Variants in TOP1 observed in about 807,000 individuals in gnomAD.
TOP1 encodes the protein DNA topoisomerase I.
Under a neutral mutation model 111.1 loss-of-function variants are expected in TOP1, and 10 were observed. That is an observed-to-expected ratio of 0.09 (90% CI 0.06 to 0.15). The LOEUF (loss-of-function observed/expected upper bound fraction) is 0.15, where lower values mean the gene tolerates loss of function less well. TOP1 is among the 10% of genes least tolerant of loss of function. TOP1 has a pLI of 1.00. For missense variants in TOP1, 474 were observed against 926.7 expected (o/e 0.51, Z 6.34); for synonymous variants, 271 against 302.9 (o/e 0.89, Z 1.10).
rs1344217236 is a variant in TOP1, at chr20:41,112,847, G to A, written c.1374G>A (p.Arg458=). 6 of 1,614,206 alleles carry A rather than the reference G, an allele frequency of 3.7e-6. No individual in the cohort carries two copies. Among genetic ancestry groups the A allele is most frequent in the Non-Finnish European group, 5.1e-6 (6 of 1,180,038 alleles). The change falls in exon 14 of 21, where the codon CGG becomes CGA. Residue 458 remains arginine, a synonymous_variant. Transcript: ENST00000361337. This position sits in a 1 kb window ranked among gnomAD's most constrained non-coding sequence, Gnocchi z 5.8. ...RRLKKCVDKI[R]NQYREDWKSK... ...TGAAAAAATGTGTGGACAAGATCCG[G>A]AACCAGTATCGAGAAGACTGGAAGT...
intron 8 of TOP1, among the ~76,000 whole-genome samples, chr20:41,091,118 T>C (rs2033915090): frequency 6.6e-6 from 1 of 152,270 alleles, no homozygotes; most frequent in Admixed American, 6.5e-5. Context: ...TGTTACAATA[T>C]GGTTTGATAC....
At position 41,067,179 on chromosome 20, in the gene TOP1, G is replaced by A. The variant is rs1189666667; in HGVS notation, c.155+5689G>A. Among the ~76,000 whole-genome samples, 1 of 151,982 alleles carries A rather than the reference G, an allele frequency of 6.6e-6. No individual in the cohort carries two copies. Among genetic ancestry groups the A allele is most frequent in the Non-Finnish European group, 1.5e-5 (1 of 68,014 alleles). ...TTGTCACCCAGGCTGGAGTGCAGTG[G>A]TGTGATCTCGGCTCACTGCAACCTC... On this transcript the variant is annotated intron_variant, in intron 3 of 20. Coordinates refer to ENST00000361337, the MANE Select transcript of TOP1 (RefSeq NM_003286.4). This position sits in a 1 kb window ranked among gnomAD's most constrained non-coding sequence, Gnocchi z 4.0.
In TOP1 at chr20:41,079,549, A is replaced by G. The variant is rs1020675150; in HGVS notation, c.336-536A>G. ...TTTATTCTGGTTTAACACGTGCCCT[A>G]CTTTTGTTGTAATGTTGTCAGCTTG... On this transcript the variant is annotated intron_variant, in intron 5 of 20. Coordinates refer to ENST00000361337, the MANE Select transcript of TOP1 (RefSeq NM_003286.4). The surrounding 1 kb of genome is among the most constrained non-coding windows in gnomAD (Gnocchi z 4.0). 3.3e-5 allele frequency among the ~76,000 whole-genome samples: 5 copies of G among 152,332 alleles called. No individual in the cohort carries two copies. Among genetic ancestry groups the G allele is most frequent in the African/African-American group, 1.2e-4 (5 of 41,572 alleles).
At chr20:41,072,285 A>G (rs2033677522) in intron 3 of TOP1, 6 of 985,200 alleles carry the variant, frequency 6.1e-6, no homozygotes, top group African/African-American at 1.7e-5. Flanking sequence ...CAGTATGAAG[A>G]TAATACAGTA....
intron 18 of TOP1, among the ~76,000 whole-genome samples, chr20:41,119,089 TCAAAATA>T (rs1178456992): frequency 6.6e-6 from 1 of 152,240 alleles, no homozygotes; most frequent in East Asian, 1.9e-4. Flanking sequence ...AATACAGTTA[TCAAAATA>T]CATTTTAAAG....
chr20:41,043,020 C>G (rs1180698524), intron 2 of TOP1, among the ~76,000 whole-genome samples: 1 of 152,132 alleles, frequency 6.6e-6, no homozygotes, highest in African/African-American at 2.4e-5. Flanking sequence ...AAAGAAAACC[C>G]TCATGTAAGT....
In TOP1 at chr20:41,118,684, AAAAGATGATGAAACAATTATATATTT is replaced by A. The variant is rs2034372564; in HGVS notation, c.1950+393_1950+418del. On this transcript the variant is annotated intron_variant, in intron 18 of 20. Coordinates refer to ENST00000361337, the MANE Select transcript of TOP1 (RefSeq NM_003286.4). The surrounding 1 kb of genome is among the most constrained non-coding windows in gnomAD (Gnocchi z 4.6). The stretch of plus-strand genomic sequence containing the variant: ...TTCCAAATTAGATTGTTTCAAATTG[AAAAGATGATGAAACAATTATATATTT>A]AAAGTCTTTCAAATCCTAGCATAGC... Among the ~76,000 whole-genome samples the A allele has an allele frequency of 6.6e-6, 1 of 152,270 alleles. No individual in the cohort carries two copies. The highest frequency in any genetic ancestry group is 2.1e-4 in the South Asian group (1 of 4,836).
intron 2 of TOP1, among the ~76,000 whole-genome samples, chr20:41,055,527 A>G (rs1486555526): frequency 6.6e-6 from 1 of 152,102 alleles, no homozygotes; most frequent in Non-Finnish European, 1.5e-5. Flanking sequence ...CAGATGTCCC[A>G]CTGTTACCTT....
In TOP1 at chr20:41,061,414, A is replaced by G. The variant is rs2033542927; in HGVS notation, c.79A>G (p.Lys27Glu). The G allele has an allele frequency of 1.9e-6, 3 of 1,613,854 alleles. No individual in the cohort carries two copies. The highest frequency in any genetic ancestry group is 1.7e-6 in the Non-Finnish European group (2 of 1,179,830). ...TGCAGATTCTCATAAACACAAAGATAAACACAAAGATCGAGAACACCGGCA... is the reference window on the plus strand; with the variant it reads ...TGCAGATTCTCATAAACACAAAGATGAACACAAAGATCGAGAACACCGGCA... ...RLNDSHKHKDKHKDREHRHKE... is the reference protein window; with the variant it reads ...RLNDSHKHKDEHKDREHRHKE... Residue 27 changes from lysine to glutamate, a missense_variant, in exon 3 of 21, where the codon AAA becomes GAA. Lys to Glu is a moderately conservative substitution (Grantham distance 56). Around this residue, in one of 14 missense-constraint regions of TOP1, gnomAD observed 185 missense variants for 226.3 expected, o/e 0.82. Coordinates refer to ENST00000361337, the MANE Select transcript of TOP1 (RefSeq NM_003286.4). This position sits in a 1 kb window ranked among gnomAD's most constrained non-coding sequence, Gnocchi z 4.6.
At chr20:41,062,998 T>C (rs537138231) in intron 3 of TOP1, among the ~76,000 whole-genome samples, 23 of 152,336 alleles carry the variant, frequency 1.5e-4, no homozygotes, top group Admixed American at 3.3e-4. Flanking sequence ...GTTACCTGGG[T>C]ATATAGCTGT....
chr20:41,036,222 A>G (rs1051678751), intron 2 of TOP1, among the ~76,000 whole-genome samples: 31 of 152,154 alleles, frequency 2.0e-4, no homozygotes, highest in Non-Finnish European at 3.8e-4. Context: ...TGTAATTGGT[A>G]AGCTTCTAGT....
intron 17 of TOP1, among the ~76,000 whole-genome samples, chr20:41,117,380 A>ATTT (rs1192075214): frequency 0.011 from 905 of 85,508 alleles, 21 homozygotes; most frequent in African/African-American, 0.018. Context: ...CTGTGGCTTA[A>ATTT]TTTTTTTTTT....
At chr20:41,073,401 A>G (rs1433894122) in intron 3 of TOP1, 2 of 984,304 alleles carry the variant, frequency 2.0e-6, no homozygotes, top group African/African-American at 1.8e-5. Flanking sequence ...AAGAAAGAAA[A>G]GAAAAGAAAA....
chr20:41,053,478 C>A (rs1350226633), intron 2 of TOP1, among the ~76,000 whole-genome samples: 1 of 152,072 alleles, frequency 6.6e-6, no homozygotes, highest in East Asian at 1.9e-4. Context: ...CCCAAAATGC[C>A]CATAAATTAA....
chr20:41,112,741 C>A lies in TOP1; in HGVS notation c.1309-41C>A. 6.2e-7 allele frequency: 1 copy of A among 1,609,150 alleles called. No individual in the cohort carries two copies. Among genetic ancestry groups the A allele is most frequent in the Non-Finnish European group, 8.5e-7 (1 of 1,177,024 alleles). On this transcript the variant is annotated intron_variant, in intron 13 of 20. Transcript: ENST00000361337. This position sits in a 1 kb window ranked among gnomAD's most constrained non-coding sequence, Gnocchi z 5.8. Reference sequence around the variant, plus strand: ...ATATTCAAAGTCTGTCTTTACTACACTGTCCCAAAGTAATCTACATTTGGG... The same window carrying A: ...ATATTCAAAGTCTGTCTTTACTACAATGTCCCAAAGTAATCTACATTTGGG...
At chr20:41,065,579 CT>C (rs946591603) in intron 3 of TOP1, among the ~76,000 whole-genome samples, 15 of 152,172 alleles carry the variant, frequency 9.9e-5, no homozygotes, top group African/African-American at 3.4e-4. Context: ...TCTACTTTGT[CT>C]TTTTTTCTCT....
rs530247144 is a variant in TOP1 at position 41,044,815 on chromosome 20, G to A, written c.58+15360G>A. Reference sequence around the variant, plus strand: ...GAGTGAGAGAGAGAGAGAGAGACAAGAGTCTTGCTCTGTCATTCAGGCTGG... The same window carrying A: ...GAGTGAGAGAGAGAGAGAGAGACAAAAGTCTTGCTCTGTCATTCAGGCTGG... On this transcript the variant is annotated intron_variant, in intron 2 of 20. Transcript: ENST00000361337. Among the ~76,000 whole-genome samples, 3 of 152,264 alleles carry A rather than the reference G, an allele frequency of 2.0e-5. No homozygotes were observed. The East Asian group carries it at 5.8e-4, about 29-fold the overall frequency.
In TOP1 at chr20:41,101,505, G is replaced by T. The variant is rs2034064032; in HGVS notation, c.1308+152G>T. The T allele has an allele frequency of 2.4e-6, 2 of 829,750 alleles. No homozygotes were observed. Among genetic ancestry groups the T allele is most frequent in the African/African-American group, 1.7e-5 (1 of 57,920 alleles). 51.4% of individuals were successfully genotyped at this position (829,750 alleles called of 1,614,324 possible). ...GTACTTTCATAGTTAGCATTATGGT[G>T]ATCTTCCTACAGTGCCTCCATTTTT... is the stretch of plus-strand genomic sequence containing the variant. On this transcript the variant is annotated intron_variant, in intron 13 of 20. Coordinates refer to ENST00000361337, the MANE Select transcript of TOP1 (RefSeq NM_003286.4). This position sits in a 1 kb window ranked among gnomAD's most constrained non-coding sequence, Gnocchi z 4.1.
At position 41,029,559 on chromosome 20, in the gene TOP1, T is replaced by A; in HGVS notation, c.58+104T>A. The A allele has an allele frequency of 2.2e-6, 2 of 918,206 alleles. No homozygotes were observed. The highest frequency in any genetic ancestry group is 3.4e-6 in the Non-Finnish European group (2 of 584,390). The allele number at this position is 918,206 out of a possible 1,614,324, so 56.9% of individuals were successfully genotyped here. On this transcript the variant is annotated intron_variant, in intron 2 of 20. Coordinates refer to ENST00000361337, the MANE Select transcript of TOP1 (RefSeq NM_003286.4). The surrounding 1 kb of genome is among the most constrained non-coding windows in gnomAD (Gnocchi z 6.1). ...AGGACAGACATGGCGTCCCAGAGAC[T>A]AAGTCCCGGCTCCTCGCTCACCGGC...
Sources: allele counts gnomAD v4.1 joint callset (sites outside exome capture counted in the v4.1 genomes callset), GRCh38; gene constraint gnomAD v4.1.1; regional missense constraint gnomAD v4.1.1; non-coding constraint Gnocchi (gnomAD v3.1); transcripts MANE v1.5; gene names NCBI Gene and HGNC (gene_info 2026-07-23, HGNC 2026-07-21).